EYS: variants seen among roughly 807,000 people sequenced by gnomAD.
EYS encodes the protein EGF-like photoreceptor maintenance factor.
EYS carries 250 observed loss-of-function variants against 282.1 expected under a neutral mutation model. The ratio of observed to expected loss-of-function variants is 0.89; its 90% confidence interval spans 0.80 to 0.98. The LOEUF (loss-of-function observed/expected upper bound fraction) is 0.98. EYS is among the 50% of genes least tolerant of loss of function. The probability of loss-of-function intolerance (pLI) is 0.00; values close to 1 mark genes in which losing one functional copy is unlikely to be tolerated. For missense variants in EYS, 4,016 were observed against 3,709.0 expected, an observed-to-expected ratio of 1.08 and a Z score of -2.15; for synonymous variants, 1,355 against 1,282.9, an observed-to-expected ratio of 1.06 and a Z score of -1.20.
intron 11 of EYS, among the ~76,000 whole-genome samples, chr6:65,328,355 G>A (rs1282992580): frequency 2.0e-5 from 3 of 151,318 alleles, no homozygotes; most frequent in Admixed American, 6.6e-5. Flanking sequence ...GTACTAGTAC[G>A]TCTAGCATTT....
chr6:63,783,694 G>A (rs1045719772), intron 39 of EYS, among the ~76,000 whole-genome samples: 1 of 152,182 alleles, frequency 6.6e-6, no homozygotes, highest in Non-Finnish European at 1.5e-5. Flanking sequence ...CATTGAGGAG[G>A]TGTGATTTGA....
chr6:64,516,482 T>G (rs1777563241), intron 26 of EYS, among the ~76,000 whole-genome samples: 1 of 151,836 alleles, frequency 6.6e-6, no homozygotes, highest in South Asian at 2.1e-4. Context: ...AATAATATTT[T>G]TTTTAAATCA....
intron 33 of EYS, among the ~76,000 whole-genome samples, chr6:64,014,138 G>GT (rs1329760782): frequency 7.9e-5 from 12 of 151,000 alleles, no homozygotes; most frequent in South Asian, 4.2e-4. Context: ...AAAGAAAGAA[G>GT]TTTTTTTTTC....
At chr6:65,454,570 A>T (rs1444289282) in intron 5 of EYS, among the ~76,000 whole-genome samples, 1 of 151,864 alleles carries the variant, frequency 6.6e-6, no homozygotes, top group Admixed American at 6.6e-5. Flanking sequence ...TATTTAAAAA[A>T]AAAAAATCCT....
chr6:64,274,481 G>A (rs1379144403), intron 30 of EYS, among the ~76,000 whole-genome samples: 1 of 92,230 alleles, frequency 1.1e-5, no homozygotes. Flanking sequence ...ACGCCTGGCC[G>A]TTTTTTTTTT....
At chr6:64,194,745 T>C (rs1370179874) in intron 31 of EYS, among the ~76,000 whole-genome samples, 2 of 152,112 alleles carry the variant, frequency 1.3e-5, no homozygotes, top group African/African-American at 2.4e-5. Context: ...ATATTCAAAA[T>C]ATATTGCTTA....
In EYS at chr6:64,618,276, C is replaced by T. The variant is rs111415128; in HGVS notation, c.3569-743G>A. Among the ~76,000 whole-genome samples the T allele has an allele frequency of 6.1e-3, 929 of 152,248 alleles. 3 individuals carry two copies. The highest frequency in any genetic ancestry group is 0.01 in the Non-Finnish European group (692 of 68,000). On this transcript the variant is annotated intron_variant, in intron 23 of 42. Transcript: ENST00000503581. ...TGCTTTACTGGGTAGATATTAGGAA[C>T]ATTTTTTTGAAACCATTGATTCTTT...
chr6:64,850,614 A>T (rs1171717811), intron 19 of EYS, among the ~76,000 whole-genome samples: 1 of 152,058 alleles, frequency 6.6e-6, no homozygotes, highest in African/African-American at 2.4e-5. Context: ...AGTATTAGAT[A>T]GAAAAGGTAG....
chr6:64,759,880 C>G (rs1049167369), intron 22 of EYS, among the ~76,000 whole-genome samples: 2 of 152,112 alleles, frequency 1.3e-5, no homozygotes, highest in African/African-American at 4.8e-5. Context: ...CCATGGATAA[C>G]ACCTGTATGT....
intron 11 of EYS, among the ~76,000 whole-genome samples, chr6:65,328,688 CT>C (rs1323738469): frequency 1.3e-5 from 2 of 150,502 alleles, no homozygotes; most frequent in East Asian, 3.9e-4. Context: ...AAGCAGAAGC[CT>C]ACTAGGTAAA....
At chr6:65,407,113 CT>C (rs771642023) in intron 5 of EYS, among the ~76,000 whole-genome samples, 14 of 152,088 alleles carry the variant, frequency 9.2e-5, no homozygotes, top group Non-Finnish European at 1.6e-4. Context: ...ATCTCCATTT[CT>C]TTGGCTATTC....
intron 12 of EYS, among the ~76,000 whole-genome samples, chr6:65,100,952 G>T (rs557811599): frequency 6.6e-6 from 1 of 151,126 alleles, no homozygotes; most frequent in Non-Finnish European, 1.5e-5. Flanking sequence ...ATTCAAAGAT[G>T]AAATGAGATA....
chr6:64,709,574 A>T (rs935476304), intron 22 of EYS, among the ~76,000 whole-genome samples: 2 of 152,190 alleles, frequency 1.3e-5, no homozygotes, highest in Non-Finnish European at 2.9e-5. Context: ...AAGTCAGAAT[A>T]TTATTTACCA....
chr6:65,225,685 G>A (rs1766603884), intron 12 of EYS, among the ~76,000 whole-genome samples: 2 of 147,630 alleles, frequency 1.4e-5, no homozygotes, highest in South Asian at 4.2e-4. Context: ...TTGCACTCCA[G>A]CCTGGGTAAC....
chr6:65,462,698 A>C (rs951692647), intron 5 of EYS, among the ~76,000 whole-genome samples: 1 of 152,072 alleles, frequency 6.6e-6, no homozygotes, highest in Non-Finnish European at 1.5e-5. Context: ...CAGGAACTTT[A>C]ATGTCTATAA....
At chr6:65,695,198 C>A (rs1769402067) in intron 1 of EYS, among the ~76,000 whole-genome samples, 1 of 151,868 alleles carries the variant, frequency 6.6e-6, no homozygotes, top group Non-Finnish European at 1.5e-5. Flanking sequence ...AAATTTTCAA[C>A]AGCGAGTTAT....
intron 21 of EYS, among the ~76,000 whole-genome samples, chr6:64,819,751 C>T (rs1764844981): frequency 6.6e-6 from 1 of 151,858 alleles, no homozygotes; most frequent in African/African-American, 2.4e-5. Context: ...GAAAATCTCA[C>T]AATTCATAAG....
At chr6:64,296,561 T>TAC (rs1561913517) in intron 30 of EYS, among the ~76,000 whole-genome samples, 1 of 6,850 alleles carries the variant, frequency 1.5e-4, no homozygotes, top group East Asian at 2.7e-3. Flanking sequence ...TATATATATA[T>TAC]ATATATATAT....
chr6:65,624,685 C>G (rs354368), intron 2 of EYS, among the ~76,000 whole-genome samples: 1 of 152,050 alleles, frequency 6.6e-6, no homozygotes, highest in South Asian at 2.1e-4. Context: ...AGAGCAGACC[C>G]GCTGAGTCTT....
Sources: gnomAD v4.1 joint callset for allele counts (sites outside exome capture counted in the v4.1 genomes callset) on GRCh38, gnomAD v4.1.1 for gene constraint, MANE v1.5 for transcripts, NCBI Gene and HGNC (gene_info 2026-07-23, HGNC 2026-07-21) for gene names.